SYNPO2: variants seen among roughly 807,000 people sequenced by gnomAD.
The protein encoded by SYNPO2 is synaptopodin-2.
Under a neutral mutation model 85.0 loss-of-function variants are expected in SYNPO2, and 56 were observed. That is an observed-to-expected ratio of 0.66 (90% CI 0.53 to 0.82). The LOEUF (loss-of-function observed/expected upper bound fraction) is 0.82. Ranked by LOEUF, SYNPO2 falls within the 40% of genes least tolerant of loss-of-function variation. The pLI, the probability that SYNPO2 is intolerant of heterozygous loss-of-function variation, is 0.00. For missense variants in SYNPO2, 1,575 were observed against 1,534.2 expected, an observed-to-expected ratio of 1.03 and a Z score of -0.44; for synonymous variants, 602 against 591.1, an observed-to-expected ratio of 1.02 and a Z score of -0.27.
At chr4:118,917,342 G>A (rs1348899771) in intron 1 of SYNPO2, among the ~76,000 whole-genome samples, 1 of 152,112 alleles carries the variant, frequency 6.6e-6, no homozygotes, top group Non-Finnish European at 1.5e-5. Flanking sequence ...AGTGAGCCAA[G>A]ATCGCACCAT....
chr4:118,873,273 T>G (rs1560809789), intron 1 of SYNPO2, among the ~76,000 whole-genome samples: 1 of 152,224 alleles, frequency 6.6e-6, no homozygotes, highest in Non-Finnish European at 1.5e-5. Context: ...ATCTCCGTAT[T>G]GTTTTCCACA....
intron 1 of SYNPO2, among the ~76,000 whole-genome samples, chr4:118,872,217 T>C (rs1731816033): frequency 1.3e-5 from 2 of 152,176 alleles, no homozygotes; most frequent in Admixed American, 6.5e-5. Context: ...GTATCCATCA[T>C]CTGAATAACG....
At chr4:119,027,642 A>G (rs3814060) in intron 3 of SYNPO2, among the ~76,000 whole-genome samples, 2,374 of 152,338 alleles carry the variant, frequency 0.016, 76 homozygotes, top group East Asian at 0.12. Context: ...AACTTCATAT[A>G]GATTTAAACA....
chr4:118,861,855 AT>A (rs995752142), intron 1 of SYNPO2, among the ~76,000 whole-genome samples: 12 of 150,896 alleles, frequency 8.0e-5, no homozygotes, highest in Admixed American at 3.3e-4. Flanking sequence ...AAATTTTAGG[AT>A]TTTTTTTTCT....
intron 1 of SYNPO2, among the ~76,000 whole-genome samples, chr4:118,879,880 T>G (rs1003847920): frequency 6.6e-6 from 1 of 151,540 alleles, no homozygotes; most frequent in Non-Finnish European, 1.5e-5. Context: ...TCCGAGACCC[T>G]GCAACCGTTT....
intron 1 of SYNPO2, among the ~76,000 whole-genome samples, chr4:118,931,295 GATGAGA>G (rs139920276): frequency 0.042 from 6,410 of 152,176 alleles, 232 homozygotes; most frequent in African/African-American, 0.096. Context: ...GGAGAGCTGG[GATGAGA>G]ACCTAGGTCT....
intron 1 of SYNPO2, among the ~76,000 whole-genome samples, chr4:118,982,034 A>C (rs1408618215): frequency 6.6e-6 from 1 of 152,212 alleles, no homozygotes; most frequent in Non-Finnish European, 1.5e-5. Context: ...GGAAATATGC[A>C]GCGTGGGTGT....
intron 1 of SYNPO2, among the ~76,000 whole-genome samples, chr4:118,865,444 G>A (rs1016410081): frequency 3.9e-5 from 6 of 152,226 alleles, no homozygotes; most frequent in Non-Finnish European, 7.3e-5. Context: ...GAAACAAGAA[G>A]CATTAAAATC....
At chr4:119,040,589 G>T (rs1461384901) in intron 4 of SYNPO2, among the ~76,000 whole-genome samples, 1 of 152,162 alleles carries the variant, frequency 6.6e-6, no homozygotes, top group East Asian at 1.9e-4. Flanking sequence ...ACTGTTTTCA[G>T]TTCAAAGTAC....
At chr4:118,942,869 G>A (rs1734362168) in intron 1 of SYNPO2, among the ~76,000 whole-genome samples, 2 of 152,300 alleles carry the variant, frequency 1.3e-5, no homozygotes, top group African/African-American at 2.4e-5. Flanking sequence ...CACTTTGGGA[G>A]GCTAAGGTAG....
At chr4:118,930,893 G>A (rs1393256856) in intron 1 of SYNPO2, among the ~76,000 whole-genome samples, 1 of 149,112 alleles carries the variant, frequency 6.7e-6, no homozygotes. Context: ...ACTCCAGCCT[G>A]GGCATCACAA....
At chr4:118,963,511 C>CA (rs1553941675) in intron 1 of SYNPO2, among the ~76,000 whole-genome samples, 1 of 152,114 alleles carries the variant, frequency 6.6e-6, no homozygotes, top group Admixed American at 6.5e-5. Context: ...GCATCTTTAA[C>CA]TTTTTTTAGA....
chr4:118,975,718 C>T (rs1735698988), intron 1 of SYNPO2, among the ~76,000 whole-genome samples: 2 of 152,212 alleles, frequency 1.3e-5, no homozygotes, highest in African/African-American at 4.8e-5. Flanking sequence ...GCCTAATCAT[C>T]AAAACTTGGA....
intron 1 of SYNPO2, among the ~76,000 whole-genome samples, chr4:118,896,694 T>A (rs1045112046): frequency 3.9e-5 from 6 of 152,202 alleles, no homozygotes; most frequent in African/African-American, 1.4e-4. Flanking sequence ...AACTGTATCT[T>A]CAAGTCTTTG....
intron 1 of SYNPO2, among the ~76,000 whole-genome samples, chr4:118,897,016 A>G (rs936646426): frequency 6.6e-6 from 1 of 152,122 alleles, no homozygotes; most frequent in Non-Finnish European, 1.5e-5. Context: ...TTATGTCTGT[A>G]TTAGTTCATT....
intron 1 of SYNPO2, among the ~76,000 whole-genome samples, chr4:118,929,510 TAAGTA>T (rs1402940104): frequency 1.3e-5 from 2 of 152,250 alleles, no homozygotes; most frequent in African/African-American, 4.8e-5. Flanking sequence ...TACATTTTCC[TAAGTA>T]AAGTGAAGAG....
intron 1 of SYNPO2, among the ~76,000 whole-genome samples, chr4:118,983,370 C>A (rs1437726487): frequency 2.0e-5 from 3 of 152,124 alleles, no homozygotes; most frequent in Non-Finnish European, 2.9e-5. Context: ...ACACCAGACA[C>A]CCCCATGCTC....
At chr4:118,958,820 T>A (rs1734970239) in intron 1 of SYNPO2, among the ~76,000 whole-genome samples, 1 of 152,150 alleles carries the variant, frequency 6.6e-6, no homozygotes, top group African/African-American at 2.4e-5. Context: ...CCATAGAGAT[T>A]TTGAGCGTTA....
intron 1 of SYNPO2, among the ~76,000 whole-genome samples, chr4:118,859,458 A>G (rs1257063279): frequency 6.6e-6 from 1 of 152,130 alleles, no homozygotes; most frequent in Admixed American, 6.5e-5. Context: ...AAGTGCGACT[A>G]AATTATTTTT....
Sources: gnomAD v4.1 joint callset for allele counts (sites outside exome capture counted in the v4.1 genomes callset) on GRCh38, gnomAD v4.1.1 for gene constraint, MANE v1.5 for transcripts, NCBI Gene and HGNC (gene_info 2026-07-23, HGNC 2026-07-21) for gene names.